SCRN3: variants seen among roughly 807,000 people sequenced by gnomAD.
SCRN3 encodes the protein secernin 3, also known as secernin-3.
Under a neutral mutation model 43.1 loss-of-function variants are expected in SCRN3, and 39 were observed. The observed-to-expected ratio is 0.91, with a 90% confidence interval of 0.70 to 1.18. The LOEUF (loss-of-function observed/expected upper bound fraction) is 1.18. SCRN3 is among the 50% of genes most tolerant of loss of function. The pLI, the probability that SCRN3 is intolerant of heterozygous loss-of-function variation, is 0.00. For synonymous variants in SCRN3, 147 were observed against 163.1 expected, an observed-to-expected ratio of 0.90 and a Z score of 0.75; for missense variants, 484 against 498.0, an observed-to-expected ratio of 0.97 and a Z score of 0.27.
intron 5 of SCRN3, among the ~76,000 whole-genome samples, chr2:174,408,538 A>T (rs1444503822): frequency 6.8e-6 from 1 of 146,860 alleles, no homozygotes; most frequent in East Asian, 2.0e-4. Context: ...TAGTTGATGC[A>T]GTTTCTTCCT....
Position 174,427,934 on chromosome 2 carries a change from G to A in SCRN3, c.*39G>A, listed in dbSNP as rs368507594. The A allele has an allele frequency of 3.0e-6, 4 of 1,336,936 alleles. No homozygotes were observed. Among genetic ancestry groups the A allele is most frequent in the African/African-American group, 1.4e-5 (1 of 69,848 alleles). 82.8% of individuals were successfully genotyped at this position (1,336,936 alleles called of 1,614,324 possible). ...AGCTAATATTAGTTCTTAGTGATCAGTGGTCAGTAATCTTCAAAGTCAGAA... is the reference window on the plus strand; with the variant it reads ...AGCTAATATTAGTTCTTAGTGATCAATGGTCAGTAATCTTCAAAGTCAGAA... On this transcript the variant is annotated 3_prime_UTR_variant, in exon 8 of 8. Transcript: ENST00000272732.
chr2:174,414,765 CTTTTT>C (rs553055709), intron 5 of SCRN3, among the ~76,000 whole-genome samples: 1 of 131,192 alleles, frequency 7.6e-6, no homozygotes, highest in Non-Finnish European at 1.6e-5. Context: ...TTTCTATTTT[CTTTTT>C]TTTTTTTTTT....
At chr2:174,415,624 C>G (rs1321039167) in intron 5 of SCRN3, among the ~76,000 whole-genome samples, 1 of 152,118 alleles carries the variant, frequency 6.6e-6, no homozygotes, top group African/African-American at 2.4e-5. Flanking sequence ...CCCTCCTTCA[C>G]TTGAAGGATA....
At chr2:174,403,511 C>G (rs1574648183) in intron 4 of SCRN3, among the ~76,000 whole-genome samples, 1 of 150,060 alleles carries the variant, frequency 6.7e-6, no homozygotes, top group South Asian at 2.1e-4. Context: ...ACATTCATAC[C>G]ATGGAATATT....
At chr2:174,400,897 A>G in intron 3 of SCRN3, 93 bp from the exon 4 acceptor site, 10 of 1,078,340 alleles carry the variant, frequency 9.3e-6, no homozygotes, top group Non-Finnish European at 1.3e-5. Context: ...AAGAAATTTT[A>G]CTTTGAATCT....
chr2:174,426,815 C>A (rs1686499823), intron 7 of SCRN3, among the ~76,000 whole-genome samples: 1 of 151,762 alleles, frequency 6.6e-6, no homozygotes, highest in Non-Finnish European at 1.5e-5. Flanking sequence ...AAATTATGCT[C>A]ACTTTCTAGT....
Position 174,395,958 on chromosome 2 carries a change from C to CG in SCRN3, c.-10+145dup, listed in dbSNP as rs1685290676. 2.2e-6 allele frequency: 3 copies of CG among 1,392,164 alleles called. No homozygotes were observed. In the Admixed American group the frequency reaches 9.8e-5, roughly 45 times the overall value. The allele number at this position is 1,392,164 out of a possible 1,614,324, so 86.2% of individuals were successfully genotyped here. On this transcript the variant is annotated intron_variant, in intron 1 of 7. Transcript: ENST00000272732. ...GGTTTGAGCGCCCAGGGCCGGGGTGCGGGGTGGACCGCGGCGGCCCTTCGA... is the reference window on the plus strand; with the variant it reads ...GGTTTGAGCGCCCAGGGCCGGGGTGCGGGGGTGGACCGCGGCGGCCCTTCGA...
chr2:174,396,320 T>A, intron 1 of SCRN3: 1 of 986,450 alleles, frequency 1.0e-6, no homozygotes, highest in East Asian at 1.1e-4. Flanking sequence ...CTTCACCTCC[T>A]CAGTGGGCTA....
intron 4 of SCRN3, 98 bp downstream of exon 4, chr2:174,401,287 C>G (rs972973935): frequency 1.1e-6 from 1 of 950,720 alleles, no homozygotes; most frequent in Non-Finnish European, 1.6e-6. Flanking sequence ...GATTAATAAT[C>G]TAGTGTAATG....
At chr2:174,400,206 C>A in intron 3 of SCRN3, 103 bp downstream of exon 3, 1 of 825,164 alleles carries the variant, frequency 1.2e-6, no homozygotes, top group Non-Finnish European at 1.8e-6. Context: ...GGCTTTGATA[C>A]TTTGCAGTTT....
At chr2:174,405,814 T>C (rs1459399236) in intron 5 of SCRN3, among the ~76,000 whole-genome samples, 7 of 150,902 alleles carry the variant, frequency 4.6e-5, no homozygotes. Flanking sequence ...TCCATTGATC[T>C]ATATCTCTGT....
At position 174,399,997 on chromosome 2, in the gene SCRN3, G is replaced by C. The variant is rs777893514; in HGVS notation, c.235G>C (p.Ala79Pro). Residue 79 changes from alanine (A) to proline (P), a missense_variant, in exon 3 of 8, where the codon GCA (alanine) becomes CCA (proline). Coordinates refer to ENST00000272732, the MANE Select transcript of SCRN3 (RefSeq NM_024583.5). Reference protein sequence around the residue: ...VLSRPAWLWGAEMGANEHGVC... With the variant: ...VLSRPAWLWGPEMGANEHGVC... ...GAGTCGCCCAGCGTGGTTGTGGGGG[G>C]CAGAAATGGGAGCCAATGAGCATGG... is the stretch of plus-strand genomic sequence containing the variant. 5 of 1,598,078 alleles carry C rather than the reference G, an allele frequency of 3.1e-6. No homozygotes were observed. The highest frequency in any genetic ancestry group is 3.4e-6 in the Non-Finnish European group (4 of 1,173,858).
chr2:174,415,498 A>G (rs937363148), intron 5 of SCRN3, among the ~76,000 whole-genome samples: 2 of 152,156 alleles, frequency 1.3e-5, no homozygotes, highest in African/African-American at 2.4e-5. Context: ...ATAACTTCCA[A>G]TGTATTTTCT....
intron 1 of SCRN3, chr2:174,397,070 G>A (rs1483406485): frequency 4.1e-6 from 4 of 982,744 alleles, no homozygotes; most frequent in Non-Finnish European, 4.8e-6. Context: ...AGGAGATCCA[G>A]GACATAAGAG....
intron 1 of SCRN3, chr2:174,397,411 T>C: frequency 1.1e-6 from 1 of 891,414 alleles, no homozygotes; most frequent in Non-Finnish European, 1.3e-6. Flanking sequence ...AGAGGTAATC[T>C]AGATATTAAA....
chr2:174,413,417 GT>G, intron 5 of SCRN3, among the ~76,000 whole-genome samples: 1 of 152,094 alleles, frequency 6.6e-6, no homozygotes, highest in Admixed American at 6.5e-5. Context: ...TCAAATTTCA[GT>G]TTAGCTCTTT....
At chr2:174,429,987 G>C (rs1193327534), downstream of SCRN3, among the ~76,000 whole-genome samples, 1 of 152,056 alleles carries the variant, frequency 6.6e-6, no homozygotes, top group Non-Finnish European at 1.5e-5. Flanking sequence ...AGTAATATTC[G>C]ATTGTCTGAA....
At chr2:174,416,117 G>A (rs192616675) in intron 5 of SCRN3, among the ~76,000 whole-genome samples, 105 of 152,280 alleles carry the variant, frequency 6.9e-4, no homozygotes, top group Admixed American at 9.8e-4. Flanking sequence ...CTGGGGTCCA[G>A]GGCCACCAAG....
In SCRN3 at chr2:174,395,731, T is replaced by A. The variant is rs1388542637; in HGVS notation, c.-96T>A. On this transcript the variant is annotated 5_prime_UTR_variant, in exon 1 of 8. Coordinates refer to ENST00000272732, the MANE Select transcript of SCRN3 (RefSeq NM_024583.5). ...CAGCAGCAAGGGGGAACTTCCGAGA[T>A]CAAAGGTGACAGCTTCCGGCAACTG... 1 of 1,606,786 alleles carries A rather than the reference T, an allele frequency of 6.2e-7. No individual in the cohort carries two copies. The highest frequency in any genetic ancestry group is 1.1e-5 in the South Asian group (1 of 90,466).
Sources: allele counts gnomAD v4.1 joint callset (sites outside exome capture counted in the v4.1 genomes callset), GRCh38; gene constraint gnomAD v4.1.1; transcripts MANE v1.5; gene names NCBI Gene and HGNC (gene_info 2026-07-23, HGNC 2026-07-21).